The following NKTR variants were observed in gnomAD, a reference collection of about 807,000 sequenced individuals.
The protein encoded by NKTR is natural killer cell triggering receptor.
A neutral mutation model predicts 156.3 loss-of-function variants in NKTR; 67 were observed. The ratio of observed to expected loss-of-function variants is 0.43; its 90% CI spans 0.35 to 0.53. The LOEUF (loss-of-function observed/expected upper bound fraction) is 0.53, where lower values mean the gene tolerates loss of function less well. Ranked by LOEUF, NKTR falls within the 20% of genes least tolerant of loss-of-function variation. The pLI is 0.01. For missense variants in NKTR, 1,604 were observed against 1,730.9 expected, an observed-to-expected ratio of 0.93 and a Z score of 1.30; for synonymous variants, 640 against 596.6, an observed-to-expected ratio of 1.07 and a Z score of -1.06.
In NKTR at chr3:42,600,927, T is replaced by TGCCCTCGCCCCC. The variant is rs1215636019; in HGVS notation, c.-23-45_-23-34dup. 7.4e-4 allele frequency: 745 copies of TGCCCTCGCCCCC among 1,006,642 alleles called. 1 individual carries two copies. The highest frequency in any genetic ancestry group is 3.5e-3 in the Middle Eastern group (10 of 2,848). The allele number at this position is 1,006,642 out of a possible 1,614,324, so 62.4% of individuals were successfully genotyped here. Reference sequence around the variant, plus strand: ...TTCGTCTCAGCCCCGCCCTCGCCCCTGCCCTCGCCCCCGCCCTCGCCCCTG... The same window carrying TGCCCTCGCCCCC: ...TTCGTCTCAGCCCCGCCCTCGCCCCTGCCCTCGCCCCCGCCCTCGCCCCCGCCCTCGCCCCTG... On this transcript the variant is annotated intron_variant, in intron 1 of 16. Coordinates refer to ENST00000232978, the MANE Select transcript of NKTR (RefSeq NM_005385.4).
At position 42,632,935 on chromosome 3, in the gene NKTR, C is replaced by G. The variant is rs1047656623; in HGVS notation, c.773+112C>G. ...ATTACCTGTTATTGAAAAAGGATAGCACTTTTTAAACTTTAAATTGAAATC... is the reference window on the plus strand; with the variant it reads ...ATTACCTGTTATTGAAAAAGGATAGGACTTTTTAAACTTTAAATTGAAATC... On this transcript the variant is annotated intron_variant, in intron 9 of 16. Coordinates refer to ENST00000232978, the MANE Select transcript of NKTR (RefSeq NM_005385.4). The G allele has an allele frequency of 6.8e-6, 9 of 1,319,630 alleles. No homozygotes were observed. The African/African-American group carries it at 1.2e-4, about 18-fold the overall frequency. The allele number at this position is 1,319,630 out of a possible 1,614,324, so 81.7% of individuals were successfully genotyped here.
chr3:42,632,677 A>G lies in NKTR; in HGVS notation c.627A>G (p.Glu209=), dbSNP rs780180504. The G allele has an allele frequency of 1.2e-6, 2 of 1,614,012 alleles. No homozygotes were observed. Among genetic ancestry groups the G allele is most frequent in the East Asian group, 2.2e-5 (1 of 44,854 alleles). The change falls in exon 9 of 17, where the codon GAA becomes GAG. Residue 209 remains glutamate, a synonymous_variant. Transcript: ENST00000232978. Reference sequence around the variant, plus strand: ...CTTCCAATTCCTCCTCTTCTTCAGAATCATCTTCAGAAAGTGAACTTGAAC... The same window carrying G: ...CTTCCAATTCCTCCTCTTCTTCAGAGTCATCTTCAGAAAGTGAACTTGAAC... The part of the protein sequence containing the change: ...DSSSNSSSSS[E]SSSESELEHE...
chr3:42,620,769 T>G, intron 5 of NKTR: 2 of 984,886 alleles, frequency 2.0e-6, no homozygotes, highest in African/African-American at 3.5e-5. Context: ...TGTAGCAATT[T>G]AAAACTAATG....
chr3:42,603,787 G>A (rs981437555), intron 2 of NKTR, among the ~76,000 whole-genome samples: 1 of 146,474 alleles, frequency 6.8e-6, no homozygotes, highest in Non-Finnish European at 1.5e-5. Context: ...CCAGGCTGGA[G>A]TGCAGTGGTG....
At chr3:42,623,391 G>A (rs1339249288) in intron 6 of NKTR, among the ~76,000 whole-genome samples, 1 of 152,114 alleles carries the variant, frequency 6.6e-6, no homozygotes, top group Non-Finnish European at 1.5e-5. Context: ...AAAGGAGTAA[G>A]CAATCCTGGA....
chr3:42,603,927 A>G (rs1405294371), intron 2 of NKTR, among the ~76,000 whole-genome samples: 2 of 152,012 alleles, frequency 1.3e-5, no homozygotes, highest in African/African-American at 4.8e-5. Context: ...TATTAGAGAC[A>G]GGGTTTCATC....
intron 2 of NKTR, among the ~76,000 whole-genome samples, chr3:42,604,357 G>A (rs1705962557): frequency 6.6e-6 from 1 of 150,806 alleles, no homozygotes; most frequent in Admixed American, 6.6e-5. Flanking sequence ...TAATGTTGAA[G>A]CATAGATTGT....
At chr3:42,644,323 C>T (rs146919869) in intron 16 of NKTR, among the ~76,000 whole-genome samples, 2 of 152,140 alleles carry the variant, frequency 1.3e-5, no homozygotes, top group East Asian at 3.9e-4. Flanking sequence ...TAAATAGAAC[C>T]ACTTGCTAGC....
chr3:42,636,162 T>C (rs939908900), intron 12 of NKTR, among the ~76,000 whole-genome samples: 1 of 152,168 alleles, frequency 6.6e-6, no homozygotes, highest in Admixed American at 6.5e-5. Context: ...TGGGACCCTG[T>C]GTAATCTTCC....
chr3:42,638,334 G>A lies in NKTR; in HGVS notation c.2630G>A (p.Arg877Lys). 6.2e-7 allele frequency: 1 copy of A among 1,611,180 alleles called. No individual in the cohort carries two copies. The highest frequency in any genetic ancestry group is 1.1e-5 in the South Asian group (1 of 90,374). Residue 877 changes from arginine to lysine, a missense_variant, in exon 13 of 17, where the codon AGG becomes AAG. Coordinates refer to ENST00000232978, the MANE Select transcript of NKTR (RefSeq NM_005385.4). ...DHLRNGSKPKRKNYAGSKWDS... is the reference protein window; with the variant it reads ...DHLRNGSKPKKKNYAGSKWDS... ...CTTAGAAATGGCAGTAAGCCCAAAAGGAAGAATTATGCTGGTAGTAAATGG... is the reference window on the plus strand; with the variant it reads ...CTTAGAAATGGCAGTAAGCCCAAAAAGAAGAATTATGCTGGTAGTAAATGG...
Position 42,617,652 on chromosome 3 carries a change from A to G in NKTR, c.133+8A>G. 6.7e-7 allele frequency: 1 copy of G among 1,493,186 alleles called. No homozygotes were observed. The highest frequency in any genetic ancestry group is 9.3e-7 in the Non-Finnish European group (1 of 1,070,526). 92.5% of individuals were successfully genotyped at this position (1,493,186 alleles called of 1,614,324 possible). ...TCCTTTGCTTGTGCTCAGGTAAGTG[A>G]ATTATTATTTCCAATGAGAAGCTGT... On this transcript the variant is annotated splice_region_variant and intron_variant, in intron 3 of 16. Coordinates refer to ENST00000232978, the MANE Select transcript of NKTR (RefSeq NM_005385.4).
At chr3:42,613,324 T>C (rs2125772544) in intron 2 of NKTR, among the ~76,000 whole-genome samples, 1 of 152,280 alleles carries the variant, frequency 6.6e-6, no homozygotes, top group South Asian at 2.1e-4. Flanking sequence ...GGGTAAGATC[T>C]CAGTAAATAA....
rs149862314 is a variant in NKTR at position 42,606,527 on chromosome 3, G to A, written c.58+5463G>A. ...TCCCAGAGATTGTATCTTAAAGTCC[G>A]AGAGACAGTGCTGTAAAGTGAAATC... On this transcript the variant is annotated intron_variant, in intron 2 of 16. Transcript: ENST00000232978. 4.3e-4 allele frequency among the ~76,000 whole-genome samples: 66 copies of A among 152,122 alleles called. No homozygotes were observed. The East Asian group carries it at 0.011, about 25-fold the overall frequency.
At chr3:42,623,735 G>A (rs1199541196) in intron 6 of NKTR, 1 of 152,132 alleles carries the variant, frequency 6.6e-6, no homozygotes, top group African/African-American at 2.4e-5. Context: ...CTTGCTGATG[G>A]CTTCCAAAGG....
Position 42,643,332 on chromosome 3 carries a change from A to C in NKTR, c.4143-7A>C. ...AAGATGATGGTCCTTCATGTGATTAATATTAGGACGTCCAGCAGGAGCAGA... is the reference window on the plus strand; with the variant it reads ...AAGATGATGGTCCTTCATGTGATTACTATTAGGACGTCCAGCAGGAGCAGA... On this transcript the variant is annotated splice_region_variant and splice_polypyrimidine_tract_variant and intron_variant, in intron 14 of 16. Transcript: ENST00000232978. 1 of 1,613,240 alleles carries C rather than the reference A, an allele frequency of 6.2e-7. No individual in the cohort carries two copies. The highest frequency in any genetic ancestry group is 8.5e-7 in the Non-Finnish European group (1 of 1,179,172).
At chr3:42,612,126 A>AT (rs1706886055) in intron 2 of NKTR, among the ~76,000 whole-genome samples, 1 of 152,254 alleles carries the variant, frequency 6.6e-6, no homozygotes, top group Non-Finnish European at 1.5e-5. Context: ...CATTATTTTT[A>AT]TATCACAGGC....
At chr3:42,607,077 G>T (rs1335924772) in intron 2 of NKTR, among the ~76,000 whole-genome samples, 1 of 152,056 alleles carries the variant, frequency 6.6e-6, no homozygotes, top group Non-Finnish European at 1.5e-5. Context: ...GATAAGATTG[G>T]TTCTAACATA....
intron 2 of NKTR, among the ~76,000 whole-genome samples, chr3:42,607,348 C>T (rs1706330993): frequency 6.6e-6 from 1 of 152,138 alleles, no homozygotes; most frequent in African/African-American, 2.4e-5. Flanking sequence ...AAGTAGTCAT[C>T]AGTGGCCAAA....
intron 13 of NKTR, among the ~76,000 whole-genome samples, chr3:42,642,012 A>G (rs1469492491): frequency 6.6e-6 from 1 of 152,068 alleles, no homozygotes; most frequent in Admixed American, 6.5e-5. Context: ...AAGTGTTTCT[A>G]TCTTTATACA....
Sources: allele counts gnomAD v4.1 joint callset (sites outside exome capture counted in the v4.1 genomes callset), GRCh38; gene constraint gnomAD v4.1.1; transcripts MANE v1.5; gene names NCBI Gene and HGNC (gene_info 2026-07-23, HGNC 2026-07-21).